ABCA13: variants seen among roughly 807,000 people sequenced by gnomAD.
The protein encoded by ABCA13 is ATP binding cassette subfamily A member 13.
In ABCA13, 476 loss-of-function variants were observed where a neutral mutation model predicts 478.7. The ratio of observed to expected loss-of-function variants is 0.99; its 90% CI spans 0.92 to 1.07. The LOEUF (loss-of-function observed/expected upper bound fraction) is 1.07. Among genes scored for constraint, ABCA13 ranks in the 50% least tolerant of loss-of-function variants. The pLI is 0.00. For missense variants in ABCA13, 6,060 were observed against 5,910.6 expected (o/e 1.03, Z -0.83); for synonymous variants, 2,252 against 2,158.9 (o/e 1.04, Z -1.20).
chr7:48,289,228 T>C (rs898923944), intron 20 of ABCA13, among the ~76,000 whole-genome samples: 27 of 152,172 alleles, frequency 1.8e-4, no homozygotes, highest in Admixed American at 5.9e-4. Context: ...GAGCAGTCCC[T>C]AGCAATGATT....
chr7:48,599,160 T>G (rs964447097), intron 58 of ABCA13, among the ~76,000 whole-genome samples: 2 of 152,058 alleles, frequency 1.3e-5, no homozygotes, highest in African/African-American at 4.8e-5. Context: ...TATCTTGAAA[T>G]ATTTTTCAAT....
chr7:48,288,818 AG>A (rs1310769184), intron 20 of ABCA13, among the ~76,000 whole-genome samples: 1 of 152,140 alleles, frequency 6.6e-6, no homozygotes, highest in Non-Finnish European at 1.5e-5. Context: ...CTCCAACTAT[AG>A]CTGAATCAGA....
At chr7:48,337,113 G>A (rs1457564480) in intron 28 of ABCA13, among the ~76,000 whole-genome samples, 1 of 152,166 alleles carries the variant, frequency 6.6e-6, no homozygotes, top group African/African-American at 2.4e-5. Flanking sequence ...GACGGCGTAA[G>A]TTGTTCCTCT....
Position 48,276,056 on chromosome 7 carries a change from T to G in ABCA13, c.6390T>G (p.Leu2130=). Reference sequence around the variant, plus strand: ...TTCTATTGGTCACAAAAAACTGGCTTCAGGAATATGCAAATGAGGATTACT... The same window carrying G: ...TTCTATTGGTCACAAAAAACTGGCTGCAGGAATATGCAAATGAGGATTACT... ...EDFLLVTKNW[L]QEYANEDYSR... Residue 2130 remains leucine, a synonymous_variant, in exon 17 of 62, where the codon CTT becomes CTG. Coordinates refer to ENST00000435803, the MANE Select transcript of ABCA13 (RefSeq NM_152701.5). 6.2e-7 allele frequency: 1 copy of G among 1,607,396 alleles called. No homozygotes were observed. Among genetic ancestry groups the G allele is most frequent in the Non-Finnish European group, 8.5e-7 (1 of 1,176,482 alleles).
intron 20 of ABCA13, among the ~76,000 whole-genome samples, chr7:48,290,134 C>T (rs1798301462): frequency 6.6e-6 from 1 of 152,220 alleles, no homozygotes; most frequent in Non-Finnish European, 1.5e-5. Flanking sequence ...CAACTCCTTA[C>T]CCTCTTCCAC....
At chr7:48,627,514 T>C (rs1473090789) in intron 59 of ABCA13, among the ~76,000 whole-genome samples, 1 of 152,184 alleles carries the variant, frequency 6.6e-6, no homozygotes, top group East Asian at 1.9e-4. Flanking sequence ...CTTACTCACT[T>C]ACTACGTATG....
chr7:48,239,221 T>A lies in ABCA13; in HGVS notation c.898-20T>A. The A allele has an allele frequency of 6.2e-7, 1 of 1,613,188 alleles. No individual in the cohort carries two copies. The highest frequency in any genetic ancestry group is 8.5e-7 in the Non-Finnish European group (1 of 1,179,452). ...AGGAAAGGAGCTTTATGTCTAAATATTTTTTCATATTGTTGTCAGATTCCC... is the reference window on the plus strand; with the variant it reads ...AGGAAAGGAGCTTTATGTCTAAATAATTTTTCATATTGTTGTCAGATTCCC... On this transcript the variant is annotated intron_variant, in intron 8 of 61. Coordinates refer to ENST00000435803, the MANE Select transcript of ABCA13 (RefSeq NM_152701.5).
At chr7:48,453,116 G>A (rs1825243675) in intron 42 of ABCA13, among the ~76,000 whole-genome samples, 1 of 152,140 alleles carries the variant, frequency 6.6e-6, no homozygotes, top group Admixed American at 6.5e-5. Flanking sequence ...TATGAGAGCT[G>A]TATATGGATC....
chr7:48,259,876 G>A (rs1404960076), intron 15 of ABCA13, among the ~76,000 whole-genome samples: 1 of 151,904 alleles, frequency 6.6e-6, no homozygotes, highest in African/African-American at 2.4e-5. Context: ...AAGCTCTGTT[G>A]TTATTTCCTT....
chr7:48,459,478 A>C (rs949874691), intron 43 of ABCA13, among the ~76,000 whole-genome samples: 1 of 152,066 alleles, frequency 6.6e-6, no homozygotes, highest in African/African-American at 2.4e-5. Flanking sequence ...CCCACTCTAT[A>C]CACTCTAATG....
At chr7:48,356,675 T>C (rs1009563936) in intron 31 of ABCA13, among the ~76,000 whole-genome samples, 12 of 151,946 alleles carry the variant, frequency 7.9e-5, no homozygotes, top group Non-Finnish European at 2.9e-5. Context: ...ATGGAACTAA[T>C]GTCCTGAAAG....
At chr7:48,429,830 G>GTTTA (rs1008612185) in intron 42 of ABCA13, among the ~76,000 whole-genome samples, 11 of 152,064 alleles carry the variant, frequency 7.2e-5, no homozygotes, top group African/African-American at 2.4e-4. Context: ...TTTGTTTTTT[G>GTTTA]TTTATTTATT....
intron 55 of ABCA13, among the ~76,000 whole-genome samples, chr7:48,573,942 C>G (rs977251533): frequency 2.0e-5 from 3 of 151,912 alleles, no homozygotes; most frequent in African/African-American, 7.3e-5. Context: ...ATATAGTCTT[C>G]CCTCTATATA....
intron 58 of ABCA13, among the ~76,000 whole-genome samples, chr7:48,600,957 C>T (rs943058456): frequency 5.3e-5 from 8 of 152,170 alleles, no homozygotes; most frequent in African/African-American, 1.4e-4. Context: ...TCTTCCATTA[C>T]GTGTATGTTG....
At chr7:48,320,363 G>A (rs897723760) in intron 27 of ABCA13, among the ~76,000 whole-genome samples, 1 of 152,176 alleles carries the variant, frequency 6.6e-6, no homozygotes. Context: ...ATTGATTTGG[G>A]TTTTGGTTTG....
chr7:48,198,101 C>G (rs1298027673), intron 2 of ABCA13, 136 bp from the exon 3 acceptor site: 1 of 913,898 alleles, frequency 1.1e-6, no homozygotes, highest in African/African-American at 1.7e-5. Context: ...TGTCTGAGCC[C>G]TTAGATCTCC....
rs190258521 is a variant in ABCA13, at chr7:48,273,040, C to A, written c.3374C>A (p.Ala1125Glu). 57 of 1,613,566 alleles carry A rather than the reference C, an allele frequency of 3.5e-5. No individual in the cohort carries two copies. The African/African-American group carries it at 7.2e-4, about 20-fold the overall frequency. ...GAGTCTTCATTTGTTTTTCCATTGG[C>A]ACAAATTTTTTCAAACCTCTCAGCA... is the stretch of plus-strand genomic sequence containing the variant. ...SEESSFVFPL[A>E]QIFSNLSANV... is the part of the protein sequence containing the mutation. Residue 1125 changes from alanine to glutamate, a missense_variant, in exon 17 of 62, where the codon GCA becomes GAA. Around this residue, in one of 3 missense-constraint regions of ABCA13, gnomAD observed 4,423 missense variants for 4,309.1 expected, o/e 1.03. Coordinates refer to ENST00000435803, the MANE Select transcript of ABCA13 (RefSeq NM_152701.5).
At position 48,350,638 on chromosome 7, in the gene ABCA13, C is replaced by G; in HGVS notation, c.10205-5C>G. 3 of 1,610,788 alleles carry G rather than the reference C, an allele frequency of 1.9e-6. No homozygotes were observed. The highest frequency in any genetic ancestry group is 2.5e-6 in the Non-Finnish European group (3 of 1,178,126). On this transcript the variant is annotated splice_polypyrimidine_tract_variant and splice_region_variant and intron_variant, in intron 29 of 61. Transcript: ENST00000435803. ...GATGTGTCCTAATCTGTTCACTTTC[C>G]TCAGGAGGGCTGCTGGATGAGATGT...
chr7:48,199,378 C>G (rs77143292), intron 3 of ABCA13, among the ~76,000 whole-genome samples: 1 of 152,252 alleles, frequency 6.6e-6, no homozygotes, highest in Non-Finnish European at 1.5e-5. Flanking sequence ...GATCTGGTAT[C>G]TGGTGAGAAC....
Sources: allele counts gnomAD v4.1 joint callset (sites outside exome capture counted in the v4.1 genomes callset), GRCh38; gene constraint gnomAD v4.1.1; regional missense constraint gnomAD v4.1.1; transcripts MANE v1.5; gene names NCBI Gene and HGNC (gene_info 2026-07-23, HGNC 2026-07-21).